The following CHD6 variants were observed in gnomAD, a reference collection of about 807,000 sequenced individuals.
CHD6 encodes the protein chromodomain helicase DNA binding protein 6, also known as ATP-dependent chromatin remodeler CHD6.
CHD6 carries 50 observed loss-of-function variants against 276.9 expected under a neutral mutation model. The ratio of observed to expected loss-of-function variants is 0.18; its 90% confidence interval spans 0.14 to 0.23. CHD6 has a LOEUF of 0.23. CHD6 is among the 10% of genes least tolerant of loss of function. CHD6 has a pLI of 1.00. For synonymous variants in CHD6, 1,173 were observed against 1,229.3 expected, an observed-to-expected ratio of 0.95 and a Z score of 0.96; for missense variants, 2,564 against 3,365.8, an observed-to-expected ratio of 0.76 and a Z score of 5.89.
At chr20:41,447,083 C>G (rs530732320) in intron 24 of CHD6, among the ~76,000 whole-genome samples, 1 of 152,310 alleles carries the variant, frequency 6.6e-6, no homozygotes, top group East Asian at 1.9e-4. Context: ...TGCTGAGGAG[C>G]CTGGCTCTGA....
intron 3 of CHD6, among the ~76,000 whole-genome samples, chr20:41,522,354 CAAAAT>C (rs2044420557): frequency 6.7e-6 from 1 of 149,292 alleles, no homozygotes; most frequent in East Asian, 2.0e-4. Context: ...TCAAAAAAAA[CAAAAT>C]AACAAACCAA....
chr20:41,569,976 T>C (rs1454829138), intron 1 of CHD6, among the ~76,000 whole-genome samples: 2 of 152,152 alleles, frequency 1.3e-5, no homozygotes, highest in Non-Finnish European at 2.9e-5. Flanking sequence ...CAATGTTCCC[T>C]TCCATCATCA....
intron 3 of CHD6, among the ~76,000 whole-genome samples, chr20:41,528,098 T>C (rs1047429415): frequency 1.3e-5 from 2 of 152,212 alleles, no homozygotes; most frequent in African/African-American, 4.8e-5. Flanking sequence ...TAAAATGAAC[T>C]ATAACAGTTC....
rs1418922207 is a variant in CHD6, at chr20:41,426,157, G to A, written c.4069-4C>T. 1 of 1,610,814 alleles carries A rather than the reference G, an allele frequency of 6.2e-7. No homozygotes were observed. The highest frequency in any genetic ancestry group is 1.7e-5 in the Admixed American group (1 of 60,014). On this transcript the variant is annotated splice_polypyrimidine_tract_variant and splice_region_variant and intron_variant, in intron 27 of 36. Transcript: ENST00000373233. The stretch of plus-strand genomic sequence containing the variant: ...CACCTCCATCACTGGAACTCTCCTA[G>A]GGATAAATAAAGCCATCCCATCAGC...
intron 29 of CHD6, among the ~76,000 whole-genome samples, chr20:41,424,388 C>G (rs6029677): frequency 0.34 from 51,806 of 152,016 alleles, 9,261 homozygotes; most frequent in African/African-American, 0.45. Context: ...GCAGGGTGCT[C>G]TCCAATCCAG....
intron 36 of CHD6, among the ~76,000 whole-genome samples, chr20:41,410,838 C>T (rs751008667): frequency 6.6e-6 from 1 of 152,112 alleles, no homozygotes; most frequent in South Asian, 2.1e-4. Context: ...CCTGAGACAT[C>T]TCTAAAGCAA....
intron 29 of CHD6, among the ~76,000 whole-genome samples, chr20:41,424,307 T>A (rs907911712): frequency 6.6e-6 from 1 of 152,204 alleles, no homozygotes; most frequent in African/African-American, 2.4e-5. Flanking sequence ...TTATATCCTA[T>A]ACGAGTAAGT....
At chr20:41,412,985 A>G (rs1366614215) in intron 35 of CHD6, among the ~76,000 whole-genome samples, 1 of 152,238 alleles carries the variant, frequency 6.6e-6, no homozygotes, top group Non-Finnish European at 1.5e-5. Context: ...GAACATTTTC[A>G]TAGGTGGCAG....
In CHD6 at chr20:41,499,337, T is replaced by G; in HGVS notation, c.873A>C (p.Ala291=). 1 of 1,605,306 alleles carries G rather than the reference T, an allele frequency of 6.2e-7. No individual in the cohort carries two copies. Among genetic ancestry groups the G allele is most frequent in the East Asian group, 2.2e-5 (1 of 44,492 alleles). Residue 291 remains alanine, a synonymous_variant, in exon 6 of 37, where the codon GCA becomes GCC. Transcript: ENST00000373233. ...ATGCCAGGATCTTCTCAATGATGTT[T>G]GCATCATCTTCTGGAGGCTCCTGGG... The part of the protein sequence containing the change: ...WQAEEPPEDD[A]NIIEKILASK...
At chr20:41,600,341 G>C (rs2045760911) in intron 1 of CHD6, among the ~76,000 whole-genome samples, 1 of 152,116 alleles carries the variant, frequency 6.6e-6, no homozygotes. Context: ...ATACGAAACA[G>C]GACATTTTGT....
chr20:41,421,501 C>T lies in CHD6; in HGVS notation c.5134G>A (p.Val1712Met), dbSNP rs1569058883. ...AAAGAGCTTGGTTCTTGGCTGAGCA[C>T]CTTCTTACCATACATCATGCTCTCT... ...SLESMMYGKK[V>M]LSQEPSSFQE... is the part of the protein sequence containing the mutation. The change falls in exon 31 of 37, where the codon GTG becomes ATG. Residue 1712 changes from valine to methionine, a missense_variant. Coordinates refer to ENST00000373233, the MANE Select transcript of CHD6 (RefSeq NM_032221.5). The T allele has an allele frequency of 3.1e-6, 5 of 1,613,064 alleles. No individual in the cohort carries two copies. Among genetic ancestry groups the T allele is most frequent in the Non-Finnish European group, 4.2e-6 (5 of 1,179,620 alleles).
In CHD6 at chr20:41,440,024, T is replaced by A; in HGVS notation, c.3983A>T (p.Asp1328Val). Residue 1328 changes from aspartate (D) to valine (V), a missense_variant, in exon 26 of 37, where the codon GAT becomes GTT. Asp to Val is a radical substitution (Grantham distance 152). Coordinates refer to ENST00000373233, the MANE Select transcript of CHD6 (RefSeq NM_032221.5). ...CCTTTCAGGAATGTCTGAGGTCCCA[T>A]CTGTAACACCCTGTTCTGCAGAAAG... ...KSLSAEQGVT[D>V]GTSDIPERGN... is the part of the protein sequence containing the mutation. The A allele has an allele frequency of 6.2e-7, 1 of 1,614,060 alleles. No individual in the cohort carries two copies. Among genetic ancestry groups the A allele is most frequent in the Non-Finnish European group, 8.5e-7 (1 of 1,179,960 alleles).
intron 1 of CHD6, among the ~76,000 whole-genome samples, chr20:41,617,730 T>C (rs923535738): frequency 6.6e-6 from 1 of 151,680 alleles, no homozygotes; most frequent in Admixed American, 6.6e-5. Context: ...CGCTAGTGCG[T>C]AAGAAGGGGG....
intron 31 of CHD6, among the ~76,000 whole-genome samples, chr20:41,419,540 G>A (rs1044019496): frequency 1.3e-4 from 12 of 91,858 alleles, no homozygotes; most frequent in Non-Finnish European, 4.1e-5. Flanking sequence ...GGGTGACAGA[G>A]CAAGACTCTG....
intron 1 of CHD6, among the ~76,000 whole-genome samples, chr20:41,586,410 A>T (rs893889918): frequency 6.6e-6 from 1 of 152,186 alleles, no homozygotes; most frequent in Non-Finnish European, 1.5e-5. Context: ...GATTCATCCT[A>T]ATCGAGCTGA....
intron 1 of CHD6, among the ~76,000 whole-genome samples, chr20:41,592,956 A>G (rs2045679067): frequency 6.6e-6 from 1 of 152,186 alleles, no homozygotes; most frequent in East Asian, 1.9e-4. Flanking sequence ...ACTCAATTTA[A>G]GAAATAATTT....
chr20:41,426,180 A>G (rs2047357135), intron 27 of CHD6, 27 bp from the exon 28 acceptor site: 2 of 1,546,766 alleles, frequency 1.3e-6, no homozygotes, highest in Non-Finnish European at 1.8e-6. Flanking sequence ...CCATCCCATC[A>G]GCAAAACTGC....
At chr20:41,530,675 T>C (rs2044662501) in intron 3 of CHD6, among the ~76,000 whole-genome samples, 1 of 152,162 alleles carries the variant, frequency 6.6e-6, no homozygotes, top group Admixed American at 6.5e-5. Context: ...TTTACAAAGA[T>C]ATAAAAGAGA....
In CHD6 at chr20:41,497,388, G is replaced by A. The variant is rs1219605645; in HGVS notation, c.1088C>T (p.Thr363Met). The A allele has an allele frequency of 1.2e-5, 20 of 1,603,132 alleles. No individual in the cohort carries two copies. The highest frequency in any genetic ancestry group is 5.4e-5 in the African/African-American group (4 of 74,700). The change falls in exon 8 of 37, where the codon ACG (threonine) becomes ATG (methionine). Residue 363 changes from threonine to methionine, a missense_variant. Thr to Met is a moderately conservative substitution (Grantham distance 81). Coordinates refer to ENST00000373233, the MANE Select transcript of CHD6 (RefSeq NM_032221.5). ...NKQAQMKHIF[T>M]EPDEDLFNPD... is the part of the protein sequence containing the mutation. Reference sequence around the variant, plus strand: ...AGTCAGTAAATATTGCTTCACCTCCGTAAAAATGTGCTTCATCTGGGCTTG... The same window carrying A: ...AGTCAGTAAATATTGCTTCACCTCCATAAAAATGTGCTTCATCTGGGCTTG...
Sources: allele counts gnomAD v4.1 joint callset (sites outside exome capture counted in the v4.1 genomes callset), GRCh38; gene constraint gnomAD v4.1.1; transcripts MANE v1.5; gene names NCBI Gene and HGNC (gene_info 2026-07-23, HGNC 2026-07-21).